The following ABHD18 variants were observed in gnomAD, a reference collection of about 807,000 sequenced individuals.
The protein encoded by ABHD18 is cardiolipin-specific deacylase, mitochondrial.
A neutral mutation model predicts 65.9 loss-of-function variants in ABHD18; 55 were observed. The ratio of observed to expected loss-of-function variants is 0.84; its 90% CI spans 0.67 to 1.05. ABHD18 has a LOEUF of 1.05. Ranked by LOEUF, ABHD18 falls within the 50% of genes least tolerant of loss-of-function variation. ABHD18 has a pLI of 0.00. For missense variants in ABHD18, 533 were observed against 558.5 expected, an observed-to-expected ratio of 0.95 and a Z score of 0.46; for synonymous variants, 181 against 180.2, an observed-to-expected ratio of 1.00 and a Z score of -0.04.
intron 3 of ABHD18, among the ~76,000 whole-genome samples, chr4:127,985,125 A>AAAT (rs1358654936): frequency 6.6e-6 from 1 of 152,234 alleles, no homozygotes; most frequent in Non-Finnish European, 1.5e-5. Context: ...AACAACTGTT[A>AAAT]AATAACACCA....
intron 10 of ABHD18, among the ~76,000 whole-genome samples, chr4:128,026,774 A>G (rs144021695): frequency 6.6e-6 from 1 of 151,248 alleles, no homozygotes; most frequent in East Asian, 1.9e-4. Flanking sequence ...TATTTTTACT[A>G]TATCTTTTCT....
At chr4:127,981,218 A>G (rs1286929060) in intron 1 of ABHD18, among the ~76,000 whole-genome samples, 1 of 152,200 alleles carries the variant, frequency 6.6e-6, no homozygotes, top group Non-Finnish European at 1.5e-5. Context: ...TTAAATGTAT[A>G]TTCCACGTAT....
intron 10 of ABHD18, among the ~76,000 whole-genome samples, chr4:128,027,435 T>C (rs1757537207): frequency 6.6e-6 from 1 of 151,960 alleles, no homozygotes; most frequent in Admixed American, 6.6e-5. Flanking sequence ...AGACGGAGTC[T>C]CACTCTGTCG....
At chr4:128,014,880 C>A (rs984651397) in intron 7 of ABHD18, among the ~76,000 whole-genome samples, 3 of 152,018 alleles carry the variant, frequency 2.0e-5, no homozygotes, top group Non-Finnish European at 4.4e-5. Flanking sequence ...GAGTTCGAGA[C>A]CAGCCTGGCC....
At chr4:127,982,635 A>G (rs536712690) in intron 1 of ABHD18, among the ~76,000 whole-genome samples, 12 of 152,312 alleles carry the variant, frequency 7.9e-5, no homozygotes, top group Non-Finnish European at 1.6e-4. Context: ...ATAATACACT[A>G]TCACATATTA....
chr4:127,980,452 A>C (rs543302278), intron 1 of ABHD18, among the ~76,000 whole-genome samples: 1 of 152,292 alleles, frequency 6.6e-6, no homozygotes, highest in South Asian at 2.1e-4. Context: ...TAAATAAGTA[A>C]CATCAACAAG....
intron 12 of ABHD18, chr4:128,031,016 G>A (rs951461784): frequency 1.5e-5 from 15 of 1,023,682 alleles, no homozygotes; most frequent in Non-Finnish European, 1.6e-5. Context: ...ACTCTATTCT[G>A]ATGTTTTTTC....
At chr4:127,976,151 T>G (rs142230376) in intron 1 of ABHD18, among the ~76,000 whole-genome samples, 2 of 152,308 alleles carry the variant, frequency 1.3e-5, no homozygotes, top group East Asian at 3.9e-4. Context: ...TAGTTGTATC[T>G]TTACATTTAT....
chr4:127,974,714 G>A (rs1299176745), intron 1 of ABHD18, among the ~76,000 whole-genome samples: 3 of 151,770 alleles, frequency 2.0e-5, no homozygotes, highest in Admixed American at 6.6e-5. Context: ...CTGGCTGGGC[G>A]CAGTGGCTCA....
chr4:128,004,423 G>A lies in ABHD18; in HGVS notation c.279-4497G>A, dbSNP rs1397720103. Among the ~76,000 whole-genome samples, 7 of 151,706 alleles carry A rather than the reference G, an allele frequency of 4.6e-5. No homozygotes were observed. The East Asian group carries it at 1.4e-3, about 29-fold the overall frequency. Reference sequence around the variant, plus strand: ...GCCAAGATCGCACCACTGCACTCCAGCCTGGGCAACAGAGCAAGACTCCAT... The same window carrying A: ...GCCAAGATCGCACCACTGCACTCCAACCTGGGCAACAGAGCAAGACTCCAT... On this transcript the variant is annotated intron_variant, in intron 4 of 12. Coordinates refer to ENST00000645843, the MANE Select transcript of ABHD18 (RefSeq NM_001358451.3).
chr4:128,030,034 A>G (rs1757983633), intron 11 of ABHD18, among the ~76,000 whole-genome samples: 1 of 152,102 alleles, frequency 6.6e-6, no homozygotes, highest in Non-Finnish European at 1.5e-5. Context: ...ATTCACCTGT[A>G]GTCCCAGCTA....
chr4:128,032,616 G>A (rs568954729), intron 12 of ABHD18, among the ~76,000 whole-genome samples: 5 of 152,212 alleles, frequency 3.3e-5, no homozygotes, highest in South Asian at 2.1e-4. Flanking sequence ...AACCTGGGAG[G>A]TGGAGGTTGC....
At chr4:128,020,202 T>C in intron 9 of ABHD18, 33 bp downstream of exon 9, 3 of 1,530,272 alleles carry the variant, frequency 2.0e-6, no homozygotes, top group East Asian at 4.7e-5. Flanking sequence ...TAGGTAGCTA[T>C]ATATAATTAG....
intron 1 of ABHD18, among the ~76,000 whole-genome samples, chr4:127,969,101 T>A (rs557350816): frequency 6.6e-6 from 1 of 152,312 alleles, no homozygotes; most frequent in East Asian, 1.9e-4. Context: ...AGTAGGTAAA[T>A]ATAGTAAGGA....
intron 4 of ABHD18, among the ~76,000 whole-genome samples, chr4:127,997,614 T>C (rs771850261): frequency 7.9e-5 from 12 of 152,198 alleles, no homozygotes; most frequent in Non-Finnish European, 1.5e-4. Context: ...GTTTGAAACT[T>C]GTAGAGTACT....
rs1317587889 is a variant in ABHD18 at position 128,036,700 on chromosome 4, C to T, written c.*887C>T. 1 of 152,196 alleles carries T rather than the reference C, an allele frequency of 6.6e-6. No individual in the cohort carries two copies. Among genetic ancestry groups the T allele is most frequent in the African/African-American group, 2.4e-5 (1 of 41,360 alleles). The allele number at this position is 152,196 out of a possible 1,614,324, so 9.4% of individuals were successfully genotyped here. On this transcript the variant is annotated 3_prime_UTR_variant, in exon 13 of 13. Coordinates refer to ENST00000645843, the MANE Select transcript of ABHD18 (RefSeq NM_001358451.3). ...TGATCCGAGATCACACCATTGCACTCCAGCCTGGGCAACAAGAGTGAAACT... is the reference window on the plus strand; with the variant it reads ...TGATCCGAGATCACACCATTGCACTTCAGCCTGGGCAACAAGAGTGAAACT...
At chr4:127,973,087 C>T (rs1474765768) in intron 1 of ABHD18, among the ~76,000 whole-genome samples, 3 of 152,074 alleles carry the variant, frequency 2.0e-5, no homozygotes, top group Non-Finnish European at 4.4e-5. Context: ...GATCCTGGCT[C>T]ACTGCATCCT....
In ABHD18 at chr4:128,036,995, T is replaced by G. The variant is rs550354841; in HGVS notation, c.*1182T>G. 6.6e-6 allele frequency: 1 copy of G among 151,966 alleles called. No individual in the cohort carries two copies. Among genetic ancestry groups the G allele is most frequent in the East Asian group, 2.0e-4 (1 of 5,116 alleles). 9.4% of individuals were successfully genotyped at this position (151,966 alleles called of 1,614,324 possible). A position where few individuals can be genotyped will look rare whatever the true frequency, so the allele number is the denominator to read the frequency against. On this transcript the variant is annotated 3_prime_UTR_variant, in exon 13 of 13. Coordinates refer to ENST00000645843, the MANE Select transcript of ABHD18 (RefSeq NM_001358451.3). ...TTAGCCGGGCATTGTGGCGTGTGCC[T>G]GTAATCCCAGCTACTCAGGAGGCTG...
At chr4:128,009,286 C>A in intron 6 of ABHD18, 95 bp downstream of exon 6, 2 of 743,578 alleles carry the variant, frequency 2.7e-6, no homozygotes, top group Non-Finnish European at 3.9e-6. Context: ...GTTTTCTAAA[C>A]CAGTTAAATT....
Sources: allele counts gnomAD v4.1 joint callset (sites outside exome capture counted in the v4.1 genomes callset), GRCh38; gene constraint gnomAD v4.1.1; transcripts MANE v1.5; gene names NCBI Gene and HGNC (gene_info 2026-07-23, HGNC 2026-07-21).